The following CNTN5 variants were observed in gnomAD, a reference collection of about 807,000 sequenced individuals.
The protein encoded by CNTN5 is contactin-5.
CNTN5 carries 77 observed loss-of-function variants against 129.1 expected under a neutral mutation model. That is an observed-to-expected ratio of 0.60 (90% CI 0.50 to 0.72). The LOEUF (loss-of-function observed/expected upper bound fraction) is 0.72. CNTN5 is among the 30% of genes least tolerant of loss of function. The pLI is 0.00. For synonymous variants in CNTN5, 509 were observed against 465.6 expected, an observed-to-expected ratio of 1.09 and a Z score of -1.20; for missense variants, 1,478 against 1,328.8, an observed-to-expected ratio of 1.11 and a Z score of -1.75.
rs1423201503 is a variant in CNTN5 at position 99,579,600 on chromosome 11, T to C, written c.55+23331T>C. ...TTATTCTCTTTGAAGCAATTGTGAA[T>C]GGGAGTTCACTCATGATTTGGCTCT... On this transcript the variant is annotated intron_variant, in intron 3 of 24. Transcript: ENST00000524871. 2.6e-3 allele frequency among the ~76,000 whole-genome samples: 370 copies of C among 144,258 alleles called. 2 individuals are homozygous for C. Among genetic ancestry groups the C allele is most frequent in the African/African-American group, 9.3e-3 (357 of 38,396 alleles). 94.6% of individuals were successfully genotyped at this position (144,258 alleles called of 152,430 possible). A position where few individuals can be genotyped will look rare whatever the true frequency, so the allele number is the denominator to read the frequency against.
At position 100,057,596 on chromosome 11, in the gene CNTN5, C is replaced by T. The variant is rs183850895; in HGVS notation, c.981-3616C>T. On this transcript the variant is annotated intron_variant, in intron 9 of 24. Transcript: ENST00000524871. ...ACTGCTTTAACAAAATTCCACTGCC[C>T]TAAAGATATTTGCATTTTGGAGGAA... Among the ~76,000 whole-genome samples the T allele has an allele frequency of 6.7e-3, 1,016 of 151,882 alleles. 16 individuals are homozygous for T. Among genetic ancestry groups the T allele is most frequent in the African/African-American group, 0.022 (932 of 41,494 alleles).
chr11:99,802,126 G>A (rs1200863859), intron 3 of CNTN5, among the ~76,000 whole-genome samples: 1 of 152,172 alleles, frequency 6.6e-6, no homozygotes, highest in East Asian at 1.9e-4. Context: ...AGAATATTGA[G>A]TAGAATTTTT....
intron 6 of CNTN5, among the ~76,000 whole-genome samples, chr11:99,847,939 G>C (rs1195048003): frequency 6.6e-6 from 1 of 152,196 alleles, no homozygotes; most frequent in East Asian, 1.9e-4. Context: ...CAGGCTGGGC[G>C]CGGTGGCTCA....
intron 9 of CNTN5, among the ~76,000 whole-genome samples, chr11:100,031,213 T>C (rs1202723847): frequency 6.6e-6 from 1 of 152,300 alleles, no homozygotes; most frequent in East Asian, 1.9e-4. Context: ...CACACGAAAC[T>C]ATTGCTACGG....
chr11:99,069,925 G>C (rs1393730194), intron 1 of CNTN5, among the ~76,000 whole-genome samples: 2 of 152,144 alleles, frequency 1.3e-5, no homozygotes, highest in African/African-American at 4.8e-5. Flanking sequence ...GCTTCAGCAG[G>C]GAAGGATTTA....
intron 1 of CNTN5, among the ~76,000 whole-genome samples, chr11:99,043,048 C>T (rs1035599588): frequency 2.6e-5 from 4 of 152,052 alleles, no homozygotes; most frequent in Admixed American, 6.6e-5. Context: ...CTGCTAAAGC[C>T]GTTCCTATCC....
chr11:99,328,809 G>A (rs1215152977), intron 2 of CNTN5, among the ~76,000 whole-genome samples: 1 of 138,758 alleles, frequency 7.2e-6, no homozygotes, highest in Non-Finnish European at 1.5e-5. Flanking sequence ...GGCGGAGGTT[G>A]CAGTGAGCCA....
At chr11:99,350,823 G>A (rs538199231) in intron 2 of CNTN5, among the ~76,000 whole-genome samples, 1 of 152,188 alleles carries the variant, frequency 6.6e-6, no homozygotes, top group East Asian at 1.9e-4. Flanking sequence ...GGGGATGATT[G>A]AGAAGATGTG....
intron 3 of CNTN5, among the ~76,000 whole-genome samples, chr11:99,703,766 A>G (rs1167041404): frequency 6.6e-6 from 1 of 150,996 alleles, no homozygotes; most frequent in Non-Finnish European, 1.5e-5. Flanking sequence ...CCATTGGTTA[A>G]TTTGATCATT....
chr11:99,022,861 A>G (rs560407602), intron 1 of CNTN5, among the ~76,000 whole-genome samples: 1 of 152,340 alleles, frequency 6.6e-6, no homozygotes, highest in South Asian at 2.1e-4. Context: ...TATCCTTTAA[A>G]TTATTTAAAA....
intron 15 of CNTN5, among the ~76,000 whole-genome samples, chr11:100,214,591 C>A (rs1313115388): frequency 6.6e-6 from 1 of 152,186 alleles, no homozygotes; most frequent in Admixed American, 6.5e-5. Context: ...TTTTCTTCAA[C>A]CATGAATACC....
chr11:99,854,970 A>T (rs76507917), intron 6 of CNTN5, among the ~76,000 whole-genome samples: 9,813 of 152,232 alleles, frequency 0.064, 430 homozygotes, highest in East Asian at 0.15. Context: ...ATGATGTTCA[A>T]AGTTTAAAGT....
At chr11:100,347,146 T>C (rs533920230) in intron 23 of CNTN5, among the ~76,000 whole-genome samples, 1 of 152,186 alleles carries the variant, frequency 6.6e-6, no homozygotes, top group South Asian at 2.1e-4. Context: ...AAACAGAGGT[T>C]CTCATTTGTT....
chr11:100,337,650 T>C, intron 21 of CNTN5: 1 of 667,282 alleles, frequency 1.5e-6, no homozygotes. Flanking sequence ...GTACCTGAGA[T>C]TTTTTACAGC....
At chr11:100,267,872 G>A (rs1256219739) in intron 17 of CNTN5, among the ~76,000 whole-genome samples, 1 of 152,150 alleles carries the variant, frequency 6.6e-6, no homozygotes, top group Non-Finnish European at 1.5e-5. Context: ...TATTTAGGAA[G>A]CTGTTATTAT....
At chr11:100,165,713 AT>A (rs1401161010) in intron 13 of CNTN5, among the ~76,000 whole-genome samples, 1 of 151,748 alleles carries the variant, frequency 6.6e-6, no homozygotes, top group Non-Finnish European at 1.5e-5. Flanking sequence ...GTCTCATGCA[AT>A]TTTAAGATTC....
chr11:99,411,062 A>G (rs1242295762), intron 2 of CNTN5, among the ~76,000 whole-genome samples: 1 of 152,222 alleles, frequency 6.6e-6, no homozygotes, highest in African/African-American at 2.4e-5. Flanking sequence ...GAATTGTTCT[A>G]TTACATTCAC....
rs551664300 is a variant in CNTN5, at chr11:99,928,495, A to T, written c.673+12346A>T. Among the ~76,000 whole-genome samples the T allele has an allele frequency of 2.6e-5, 4 of 152,326 alleles. No individual in the cohort carries two copies. In the South Asian group the frequency reaches 8.3e-4, roughly 32 times the overall value. ...ATCTAGCCAGAGGTTCCCAAACCTC[A>T]ATTCTTGACCTCTGTGTACCTCCAG... On this transcript the variant is annotated intron_variant, in intron 7 of 24. Transcript: ENST00000524871.
At chr11:99,773,966 T>C (rs1377516283) in intron 3 of CNTN5, among the ~76,000 whole-genome samples, 1 of 152,132 alleles carries the variant, frequency 6.6e-6, no homozygotes. Context: ...TCCTGCTGAA[T>C]ACAATTTTCA....
Sources: gnomAD v4.1 joint callset for allele counts (sites outside exome capture counted in the v4.1 genomes callset) on GRCh38, gnomAD v4.1.1 for gene constraint, MANE v1.5 for transcripts, NCBI Gene and HGNC (gene_info 2026-07-23, HGNC 2026-07-21) for gene names.